Variants in RTN1 observed in about 807,000 individuals in gnomAD.
RTN1 encodes the protein reticulon-1.
Under a neutral mutation model 65.5 loss-of-function variants are expected in RTN1, and 25 were observed. The ratio of observed to expected loss-of-function variants is 0.38; its 90% CI spans 0.28 to 0.53. The LOEUF (loss-of-function observed/expected upper bound fraction) is 0.53, where lower values mean the gene tolerates loss of function less well. Among genes scored for constraint, RTN1 ranks in the 20% least tolerant of loss-of-function variants. RTN1 has a pLI of 0.79. For synonymous variants in RTN1, 471 were observed against 447.6 expected (o/e 1.05, Z -0.66); for missense variants, 983 against 1,025.4 (o/e 0.96, Z 0.57).
intron 3 of RTN1, among the ~76,000 whole-genome samples, chr14:59,645,263 C>G (rs1446773249): frequency 3.9e-5 from 6 of 152,164 alleles, no homozygotes; most frequent in Non-Finnish European, 8.8e-5. Context: ...TGTTTTGCAG[C>G]CTTGATTGTT....
Position 59,766,124 on chromosome 14 carries a change from G to A in RTN1, c.242-19643C>T, listed in dbSNP as rs1885844860. Among the ~76,000 whole-genome samples the A allele has an allele frequency of 6.6e-6, 1 of 152,072 alleles. No homozygotes were observed. Among genetic ancestry groups the A allele is most frequent in the Non-Finnish European group, 1.5e-5 (1 of 68,022 alleles). On this transcript the variant is annotated intron_variant, in intron 1 of 8. Transcript: ENST00000267484. This position sits in a 1 kb window ranked among gnomAD's most constrained non-coding sequence, Gnocchi z 4.4. ...ACACACTTGTAGTCCCAGCTACTTG[G>A]GAGGCTGAGGCAGGACTATTGCTTG...
chr14:59,832,674 T>C (rs1363583555), intron 1 of RTN1, among the ~76,000 whole-genome samples: 1 of 152,194 alleles, frequency 6.6e-6, no homozygotes, highest in African/African-American at 2.4e-5. Flanking sequence ...CAAGGCCTGC[T>C]CTCCTCATTT....
intron 1 of RTN1, among the ~76,000 whole-genome samples, chr14:59,805,632 C>A (rs1048749433): frequency 6.6e-6 from 1 of 152,108 alleles, no homozygotes. Context: ...TATCATAAAC[C>A]TTGATTGTTC....
chr14:59,718,776 G>A (rs1884590486), intron 3 of RTN1, among the ~76,000 whole-genome samples: 1 of 152,152 alleles, frequency 6.6e-6, no homozygotes, highest in African/African-American at 2.4e-5. Context: ...AAAGTTTGGG[G>A]TATTTTTCCC....
intron 3 of RTN1, among the ~76,000 whole-genome samples, chr14:59,663,551 C>G (rs1364254475): frequency 6.6e-6 from 1 of 151,820 alleles, no homozygotes; most frequent in Non-Finnish European, 1.5e-5. Flanking sequence ...AGGCAATCTA[C>G]AGAATAGGAG....
rs991461117 is a variant in RTN1, at chr14:59,836,324, C to G, written c.241+34066G>C. 3.9e-5 allele frequency among the ~76,000 whole-genome samples: 6 copies of G among 152,246 alleles called. No homozygotes were observed. The highest frequency in any genetic ancestry group is 1.4e-4 in the African/African-American group (6 of 41,460). On this transcript the variant is annotated intron_variant, in intron 1 of 8. Transcript: ENST00000267484. This position sits in a 1 kb window ranked among gnomAD's most constrained non-coding sequence, Gnocchi z 4.9. ...CAGGCATGCTGCCAAGGGCTTTACACGCATCATCCCACTGAATCATTCTGA... is the reference window on the plus strand; with the variant it reads ...CAGGCATGCTGCCAAGGGCTTTACAGGCATCATCCCACTGAATCATTCTGA...
Position 59,727,030 on chromosome 14 carries a change from G to A in RTN1, c.1654C>T (p.Arg552Trp), listed in dbSNP as rs780650595. The A allele has an allele frequency of 1.2e-6, 2 of 1,613,488 alleles. No individual in the cohort carries two copies. The highest frequency in any genetic ancestry group is 1.7e-6 in the Non-Finnish European group (2 of 1,179,748). The change falls in exon 3 of 9, where the codon CGG (arginine) becomes TGG (tryptophan). Residue 552 changes from arginine (R) to tryptophan (W), a missense_variant. By Grantham distance (101) the Arg-to-Trp change is moderately radical (BLOSUM62 -3). Transcript: ENST00000267484. The surrounding 1 kb of genome is among the most constrained non-coding windows in gnomAD (Gnocchi z 4.2). ...ALEPETPMLP[R>W]KPEEDSSSNQ... Reference sequence around the variant, plus strand: ...GAACTCGAGTCTTCTTCAGGCTTCCGTGGCAACATGGGCGTCTCAGGCTCC... The same window carrying A: ...GAACTCGAGTCTTCTTCAGGCTTCCATGGCAACATGGGCGTCTCAGGCTCC...
chr14:59,735,777 A>T (rs190877023), intron 2 of RTN1, among the ~76,000 whole-genome samples: 9 of 152,296 alleles, frequency 5.9e-5, no homozygotes, highest in African/African-American at 2.2e-4. Context: ...AGACTCCCAC[A>T]CAATAACAGT....
chr14:59,619,093 T>C (rs1456890287), intron 3 of RTN1, among the ~76,000 whole-genome samples: 3 of 152,176 alleles, frequency 2.0e-5, no homozygotes, highest in African/African-American at 7.2e-5. Flanking sequence ...GCGGACAATT[T>C]GTTAAGGAGA....
Position 59,605,665 on chromosome 14 carries a change from C to T in RTN1, c.1974-159G>A, listed in dbSNP as rs115046853. The T allele has an allele frequency of 6.4e-3, 4,058 of 633,812 alleles. 44 individuals carry two copies. Among genetic ancestry groups the T allele is most frequent in the African/African-American group, 0.039 (2,112 of 54,582 alleles). The allele number at this position is 633,812 out of a possible 1,614,324, so 39.3% of individuals were successfully genotyped here. A position where few individuals can be genotyped will look rare whatever the true frequency, so the allele number is the denominator to read the frequency against. On this transcript the variant is annotated intron_variant, in intron 4 of 8. Coordinates refer to ENST00000267484, the MANE Select transcript of RTN1 (RefSeq NM_021136.3). Reference sequence around the variant, plus strand: ...CCAGCCAGTGAGGGCCACAGGGCACCGTACACACCTGCTTCCATGCACTGA... The same window carrying T: ...CCAGCCAGTGAGGGCCACAGGGCACTGTACACACCTGCTTCCATGCACTGA...
At position 59,745,978 on chromosome 14, in the gene RTN1, T is replaced by C. The variant is rs867796738; in HGVS notation, c.745A>G (p.Ile249Val). The C allele has an allele frequency of 1.2e-6, 2 of 1,614,090 alleles. No individual in the cohort carries two copies. The highest frequency in any genetic ancestry group is 1.7e-5 in the Admixed American group (1 of 60,012). Reference sequence around the variant, plus strand: ...TCTTCCAATAAATGGTCCTTGATGATTTTTCCCTCCACAGGAGCTGGTTTG... The same window carrying C: ...TCTTCCAATAAATGGTCCTTGATGACTTTTCCCTCCACAGGAGCTGGTTTG... Reference protein sequence around the residue: ...PDKPAPVEGKIIKDHLLEEST... With the variant: ...PDKPAPVEGKVIKDHLLEEST... The change falls in exon 2 of 9, where the codon ATC becomes GTC. Residue 249 changes from isoleucine to valine, a missense_variant. Coordinates refer to ENST00000267484, the MANE Select transcript of RTN1 (RefSeq NM_021136.3).
intron 2 of RTN1, among the ~76,000 whole-genome samples, chr14:59,738,832 G>A (rs1885056096): frequency 6.6e-6 from 1 of 152,156 alleles, no homozygotes; most frequent in Non-Finnish European, 1.5e-5. Context: ...AAAAGGAACA[G>A]GATCATATTC....
chr14:59,800,912 A>G (rs1264590310), intron 1 of RTN1, among the ~76,000 whole-genome samples: 1 of 152,112 alleles, frequency 6.6e-6, no homozygotes, highest in African/African-American at 2.4e-5. Context: ...AATTTTTTTA[A>G]TATTCTAATG....
chr14:59,610,319 A>G, intron 3 of RTN1: 1 of 576,380 alleles, frequency 1.7e-6, no homozygotes, highest in Admixed American at 3.3e-5. Flanking sequence ...CTAAGATTGC[A>G]GGAGGTTTCT....
At chr14:59,597,380 T>C (rs1235955332) in intron 8 of RTN1, among the ~76,000 whole-genome samples, 1 of 152,244 alleles carries the variant, frequency 6.6e-6, no homozygotes, top group Non-Finnish European at 1.5e-5. Flanking sequence ...AATGTGGGCA[T>C]AGACTAGATA....
chr14:59,710,361 T>G (rs1884392073), intron 3 of RTN1, among the ~76,000 whole-genome samples: 1 of 152,204 alleles, frequency 6.6e-6, no homozygotes, highest in Non-Finnish European at 1.5e-5. Context: ...AAAGTTTCAC[T>G]TTAAAAAATA....
chr14:59,737,498 C>T (rs58382671), intron 2 of RTN1, among the ~76,000 whole-genome samples: 9,956 of 151,978 alleles, frequency 0.066, 1,054 homozygotes, highest in African/African-American at 0.23. Context: ...AACAACTGCC[C>T]AAAGAAATCA....
chr14:59,674,275 G>A (rs888462505), intron 3 of RTN1, among the ~76,000 whole-genome samples: 4 of 152,174 alleles, frequency 2.6e-5, no homozygotes, highest in Admixed American at 6.5e-5. Flanking sequence ...ACTAGCAGTG[G>A]GAAACATATT....
chr14:59,679,176 T>A, intron 3 of RTN1, among the ~76,000 whole-genome samples: 1 of 152,188 alleles, frequency 6.6e-6, no homozygotes, highest in East Asian at 1.9e-4. Context: ...TCATGTGTAA[T>A]TGTTAGGGTG....
Sources: allele counts gnomAD v4.1 joint callset (sites outside exome capture counted in the v4.1 genomes callset), GRCh38; gene constraint gnomAD v4.1.1; non-coding constraint Gnocchi (gnomAD v3.1); transcripts MANE v1.5; gene names NCBI Gene and HGNC (gene_info 2026-07-23, HGNC 2026-07-21).